The following MPZL3 variants were observed in gnomAD, a reference collection of about 807,000 sequenced individuals.
MPZL3 encodes the protein myelin protein zero like 3.
MPZL3 carries 23 observed loss-of-function variants against 24.8 expected under a neutral mutation model. The observed-to-expected ratio is 0.93, with a 90% CI of 0.67 to 1.31. MPZL3 has a LOEUF of 1.31. Ranked by LOEUF, MPZL3 falls within the 40% of genes most tolerant of loss-of-function variation. The probability of loss-of-function intolerance (pLI) is 0.00; values close to 1 mark genes in which losing one functional copy is unlikely to be tolerated. For missense variants in MPZL3, 277 were observed against 294.9 expected (o/e 0.94, Z 0.44); for synonymous variants, 99 against 106.5 (o/e 0.93, Z 0.44).
At chr11:118,234,540 A>C (rs1949395985) in intron 4 of MPZL3, among the ~76,000 whole-genome samples, 1 of 152,178 alleles carries the variant, frequency 6.6e-6, no homozygotes, top group East Asian at 1.9e-4. Flanking sequence ...GCACATAAAT[A>C]AGTTCATGGC....
intron 1 of MPZL3, among the ~76,000 whole-genome samples, chr11:118,244,976 T>C (rs922055368): frequency 2.0e-5 from 3 of 151,458 alleles, no homozygotes; most frequent in African/African-American, 7.3e-5. Context: ...CTCAGGAGGC[T>C]GAGGCAGGAT....
At chr11:118,235,344 A>T in intron 4 of MPZL3, 80 bp downstream of exon 4, 1 of 1,474,078 alleles carries the variant, frequency 6.8e-7, no homozygotes, top group South Asian at 1.3e-5. Flanking sequence ...TCCAGAAGAA[A>T]GGAAGGTGTG....
chr11:118,237,113 C>T lies in MPZL3; in HGVS notation c.388G>A (p.Val130Met). 2 of 1,614,098 alleles carry T rather than the reference C, an allele frequency of 1.2e-6. No individual in the cohort carries two copies. The highest frequency in any genetic ancestry group is 1.7e-6 in the Non-Finnish European group (2 of 1,179,976). ...TGATGCACATCTGGGGGATTCTTCA[C>T]AGCACAGCTGAATGTCCCATTGTCC... ...IKDNGTFSCAVKNPPDVHHNI... is the reference protein window; with the variant it reads ...IKDNGTFSCAMKNPPDVHHNI... Residue 130 changes from valine (V) to methionine (M), a missense_variant, in exon 3 of 6, where the codon GTG becomes ATG. Physicochemically the swap from Val to Met is conservative, Grantham distance 21. Transcript: ENST00000278949.
At chr11:118,244,617 G>T (rs1591497086) in intron 1 of MPZL3, among the ~76,000 whole-genome samples, 1 of 152,190 alleles carries the variant, frequency 6.6e-6, no homozygotes, top group African/African-American at 2.4e-5. Flanking sequence ...AAAAAAACAC[G>T]AAAGGGAGAG....
intron 1 of MPZL3, among the ~76,000 whole-genome samples, chr11:118,246,572 CT>C (rs1300058931): frequency 3.4e-4 from 45 of 131,664 alleles, no homozygotes; most frequent in African/African-American, 1.4e-3. Context: ...CTTTTCTTTT[CT>C]TTTTTTCTTT....
At chr11:118,244,239 T>G (rs1949531521) in intron 1 of MPZL3, among the ~76,000 whole-genome samples, 1 of 152,222 alleles carries the variant, frequency 6.6e-6, no homozygotes, top group African/African-American at 2.4e-5. Context: ...TTTTGTGCCA[T>G]CCTCTGGGTT....
At chr11:118,242,822 C>T (rs1025253516) in intron 1 of MPZL3, among the ~76,000 whole-genome samples, 10 of 152,184 alleles carry the variant, frequency 6.6e-5, no homozygotes, top group South Asian at 2.1e-4. Context: ...CAGATGCCAT[C>T]GATTGCACCT....
At chr11:118,236,769 C>T (rs1016941841) in intron 3 of MPZL3, among the ~76,000 whole-genome samples, 20 of 152,092 alleles carry the variant, frequency 1.3e-4, no homozygotes, top group Middle Eastern at 3.4e-3. Flanking sequence ...AGGGGTTTTC[C>T]GTGCATTCCA....
intron 1 of MPZL3, 144 bp downstream of exon 1, chr11:118,252,078 C>G (rs747445611): frequency 2.6e-6 from 2 of 760,358 alleles, no homozygotes; most frequent in Non-Finnish European, 4.5e-6. Context: ...GTGATGACAT[C>G]GTCCCAACGT....
intron 2 of MPZL3, among the ~76,000 whole-genome samples, chr11:118,239,859 C>T (rs555881311): frequency 6.6e-6 from 1 of 152,274 alleles, no homozygotes; most frequent in South Asian, 2.1e-4. Flanking sequence ...CATGACTGGA[C>T]CCATAGAATT....
Position 118,227,996 on chromosome 11 carries a change from C to T in MPZL3, c.*1898G>A, listed in dbSNP as rs1006310406. On this transcript the variant is annotated 3_prime_UTR_variant, in exon 6 of 6. Coordinates refer to ENST00000278949, the MANE Select transcript of MPZL3 (RefSeq NM_198275.3). The stretch of plus-strand genomic sequence containing the variant: ...GTCAGAAATGGTCACGTTAGATTGG[C>T]CTCAGACAACCACAAAAGTTAACAA... 6.6e-6 allele frequency: 1 copy of T among 152,134 alleles called. No individual in the cohort carries two copies. Among genetic ancestry groups the T allele is most frequent in the African/African-American group, 2.4e-5 (1 of 41,422 alleles). 9.4% of individuals were successfully genotyped at this position (152,134 alleles called of 1,614,324 possible). A position where few individuals can be genotyped will look rare whatever the true frequency, so the allele number is the denominator to read the frequency against.
chr11:118,235,008 G>A (rs748927868), intron 4 of MPZL3, among the ~76,000 whole-genome samples: 4 of 152,008 alleles, frequency 2.6e-5, no homozygotes, highest in Non-Finnish European at 5.9e-5. Context: ...TATTCAAATC[G>A]CTTTTGCCCT....
In MPZL3 at chr11:118,236,311, G is replaced by A. The variant is rs537172038; in HGVS notation, c.452-722C>T. ...AGAAAGCAAGAAAGAGAAAGAGAAGGAAGAAATGAGACAGGGAGAGAGGAA... is the reference window on the plus strand; with the variant it reads ...AGAAAGCAAGAAAGAGAAAGAGAAGAAAGAAATGAGACAGGGAGAGAGGAA... On this transcript the variant is annotated intron_variant, in intron 3 of 5. Coordinates refer to ENST00000278949, the MANE Select transcript of MPZL3 (RefSeq NM_198275.3). Among the ~76,000 whole-genome samples, 6 of 151,996 alleles carry A rather than the reference G, an allele frequency of 3.9e-5. 1 individual carries two copies. In the South Asian group the frequency reaches 1.2e-3, roughly 32 times the overall value.
At chr11:118,230,632 T>C (rs560039319) in intron 5 of MPZL3, among the ~76,000 whole-genome samples, 1 of 152,282 alleles carries the variant, frequency 6.6e-6, no homozygotes, top group South Asian at 2.1e-4. Context: ...TTTCATACCC[T>C]TCCCTCTTTC....
chr11:118,249,718 A>G (rs1203122527), intron 1 of MPZL3, among the ~76,000 whole-genome samples: 1 of 152,118 alleles, frequency 6.6e-6, no homozygotes, highest in Non-Finnish European at 1.5e-5. Context: ...AAAAGAGAGA[A>G]AAGTTTAAGA....
At chr11:118,241,040 C>G (rs977541525) in intron 1 of MPZL3, among the ~76,000 whole-genome samples, 5 of 152,106 alleles carry the variant, frequency 3.3e-5, no homozygotes, top group Non-Finnish European at 7.4e-5. Context: ...TAAATGCATT[C>G]TAGCAAGTAA....
chr11:118,236,792 T>C (rs867242392), intron 3 of MPZL3, among the ~76,000 whole-genome samples: 3 of 152,094 alleles, frequency 2.0e-5, no homozygotes, highest in African/African-American at 2.4e-5. Context: ...AGAACTTTGG[T>C]CACCTAAAGT....
In MPZL3 at chr11:118,229,612, G is replaced by A. The variant is rs1267909897; in HGVS notation, c.*282C>T. ...TTCCAGAGCAAAGATGAATCAAAAA[G>A]TATCTTTTTGCTCAGGAAAAGAATT... On this transcript the variant is annotated 3_prime_UTR_variant, in exon 6 of 6. Coordinates refer to ENST00000278949, the MANE Select transcript of MPZL3 (RefSeq NM_198275.3). 1 of 326,282 alleles carries A rather than the reference G, an allele frequency of 3.1e-6. No homozygotes were observed. Among genetic ancestry groups the A allele is most frequent in the East Asian group, 5.1e-5 (1 of 19,708 alleles). 20.2% of individuals were successfully genotyped at this position (326,282 alleles called of 1,614,324 possible). A position where few individuals can be genotyped will look rare whatever the true frequency, so the allele number is the denominator to read the frequency against.
In MPZL3 at chr11:118,235,493, C is replaced by T; in HGVS notation, c.548G>A (p.Arg183Lys). 1.2e-6 allele frequency: 2 copies of T among 1,613,996 alleles called. No homozygotes were observed. Among genetic ancestry groups the T allele is most frequent in the Non-Finnish European group, 1.7e-6 (2 of 1,179,952 alleles). The change falls in exon 4 of 6, where the codon AGG becomes AAG. Residue 183 changes from arginine to lysine, a missense_variant. Physicochemically the swap from Arg to Lys is conservative, Grantham distance 26. Coordinates refer to ENST00000278949, the MANE Select transcript of MPZL3 (RefSeq NM_198275.3). ...CCTCTTCTTCAGCCCAGCAGCCTTC[C>T]TCCCCATTCTCACCAGCAGCAGAGC... The part of the protein sequence containing the change: ...VVALLLVRMG[R>K]KAAGLKKRSR...
Sources: allele counts gnomAD v4.1 joint callset (sites outside exome capture counted in the v4.1 genomes callset), GRCh38; gene constraint gnomAD v4.1.1; transcripts MANE v1.5; gene names NCBI Gene and HGNC (gene_info 2026-07-23, HGNC 2026-07-21).